MGST1: variants seen among roughly 807,000 people sequenced by gnomAD.
MGST1 encodes the protein glutathione S-transferase 12.
In MGST1, 5 loss-of-function variants were observed where a neutral mutation model predicts 8.9. The observed-to-expected ratio is 0.56, with a 90% CI of 0.29 to 1.19. The LOEUF (loss-of-function observed/expected upper bound fraction) is 1.19, where lower values mean the gene tolerates loss of function less well. MGST1 is among the 50% of genes most tolerant of loss of function. The pLI is 0.08. For synonymous variants in MGST1, 54 were observed against 67.8 expected, an observed-to-expected ratio of 0.80 and a Z score of 1.00; for missense variants, 182 against 187.4, an observed-to-expected ratio of 0.97 and a Z score of 0.17.
At chr12:16,519,973 T>C (rs931413631) in intron 4 of MGST1, among the ~76,000 whole-genome samples, 1 of 152,180 alleles carries the variant, frequency 6.6e-6, no homozygotes, top group African/African-American at 2.4e-5. Context: ...TGAGGAACCA[T>C]TGCTAGAGCC....
At chr12:16,365,670 C>A (rs1940171612), downstream of MGST1, among the ~76,000 whole-genome samples, 1 of 152,184 alleles carries the variant, frequency 6.6e-6, no homozygotes. Context: ...ACAGAAAAGA[C>A]CACGAGCTCA....
At chr12:16,561,999 T>G (rs1210305422) in intron 4 of MGST1, among the ~76,000 whole-genome samples, 2 of 152,234 alleles carry the variant, frequency 1.3e-5, no homozygotes, top group Non-Finnish European at 2.9e-5. Flanking sequence ...TACTTTAGTA[T>G]GCTTATTTTA....
intron 4 of MGST1, among the ~76,000 whole-genome samples, chr12:16,459,284 T>C (rs1219877585): frequency 2.6e-5 from 4 of 152,052 alleles, no homozygotes. Flanking sequence ...TATCATCACC[T>C]AAGAAACTTG....
intron 4 of MGST1, among the ~76,000 whole-genome samples, chr12:16,474,283 A>G (rs905049145): frequency 2.0e-5 from 3 of 152,230 alleles, no homozygotes; most frequent in African/African-American, 7.2e-5. Flanking sequence ...AACATGTAAA[A>G]GTGTGTTTGC....
At chr12:16,392,659 T>C (rs1036741939) in intron 1 of MGST1, among the ~76,000 whole-genome samples, 3 of 152,286 alleles carry the variant, frequency 2.0e-5, no homozygotes, top group African/African-American at 7.2e-5. Context: ...ATAGTCATTT[T>C]GGGATATGGC....
chr12:16,530,508 T>G (rs572648907), intron 4 of MGST1, among the ~76,000 whole-genome samples: 1 of 152,248 alleles, frequency 6.6e-6, no homozygotes, highest in African/African-American at 2.4e-5. Context: ...TGACTAAATC[T>G]GTAAACACTC....
exon 4 of MGST1, chr12:16,376,346 G>T: frequency 2.3e-6 from 1 of 444,122 alleles, no homozygotes; most frequent in Non-Finnish European, 4.0e-6. Context: ...TATTACTGCG[G>T]GAAGTACCCA....
chr12:16,363,814 G>A lies in MGST1; in HGVS notation c.241G>A (p.Glu81Lys). ...CCACAGAGCCCACCTGAATGACCTT[G>A]AAAATATTATTCCATTTCTTGGAAT... ...RVRRAHLNDL[E>K]NIIPFLGIGL... Residue 81 changes from glutamate (E) to lysine (K), a missense_variant, in exon 4 of 4, where the codon GAA becomes AAA. Coordinates refer to ENST00000396210, the MANE Select transcript of MGST1 (RefSeq NM_020300.5). The surrounding 1 kb of genome is among the most constrained non-coding windows in gnomAD (Gnocchi z 4.6). 1 of 1,606,078 alleles carries A rather than the reference G, an allele frequency of 6.2e-7. No individual in the cohort carries two copies.
chr12:16,529,663 T>G (rs974372988), intron 4 of MGST1, among the ~76,000 whole-genome samples: 4 of 152,076 alleles, frequency 2.6e-5, no homozygotes, highest in African/African-American at 9.7e-5. Context: ...TTGCTTAAAC[T>G]TCTTTTGTGA....
At chr12:16,378,163 T>TAAATAAACAAAAA (rs1193290062), downstream of MGST1, among the ~76,000 whole-genome samples, 1 of 152,170 alleles carries the variant, frequency 6.6e-6, no homozygotes, top group Admixed American at 6.5e-5. Context: ...AGATCCCATT[T>TAAATAAACAAAAA]GTCAATTTTG....
chr12:16,372,629 A>G (rs11056905), intron 3 of MGST1, among the ~76,000 whole-genome samples: 1 of 152,112 alleles, frequency 6.6e-6, no homozygotes, highest in Non-Finnish European at 1.5e-5. Flanking sequence ...AGATTTCTCA[A>G]AGAATTAAAA....
chr12:16,556,738 A>G (rs1942206325), intron 4 of MGST1, among the ~76,000 whole-genome samples: 1 of 152,204 alleles, frequency 6.6e-6, no homozygotes, highest in African/African-American at 2.4e-5. Flanking sequence ...AATCTCCTAT[A>G]TGAAAACCTT....
rs55755383 is a variant in MGST1 at position 16,394,583 on chromosome 12, GTC to G, written n.778+10985_778+10986del. Reference sequence around the variant, plus strand: ...CTTTCTTTCTTTCTTTCTTCTCTCTGTCTCTCTTTTTTCTTTTCTTTTCTTTT... The same window carrying G: ...CTTTCTTTCTTTCTTTCTTCTCTCTGTCTCTTTTTTCTTTTCTTTTCTTTT... On this transcript the variant is annotated intron_variant and non_coding_transcript_variant, in intron 1 of 1. Transcript: ENST00000359720. Among the ~76,000 whole-genome samples the G allele has an allele frequency of 1.4e-4, 13 of 93,550 alleles. 1 individual carries two copies. The highest frequency in any genetic ancestry group is 6.5e-4 in the African/African-American group (13 of 19,992). 61.4% of individuals were successfully genotyped at this position (93,550 alleles called of 152,430 possible).
intron 4 of MGST1, among the ~76,000 whole-genome samples, chr12:16,478,520 T>G (rs1941339727): frequency 6.6e-6 from 1 of 152,172 alleles, no homozygotes; most frequent in Non-Finnish European, 1.5e-5. Flanking sequence ...TCTTTCACTG[T>G]GAAGTCTTGA....
At chr12:16,441,980 T>C (rs574081795), downstream of MGST1, among the ~76,000 whole-genome samples, 1 of 151,988 alleles carries the variant, frequency 6.6e-6, no homozygotes, top group South Asian at 2.1e-4. Context: ...CATTTGGTGC[T>C]GTCAGTATTC....
intron 1 of MGST1, among the ~76,000 whole-genome samples, chr12:16,393,662 A>G (rs1025526479): frequency 6.6e-6 from 1 of 152,234 alleles, no homozygotes; most frequent in African/African-American, 2.4e-5. Context: ...AAGAAAGTAC[A>G]CTGTGATTCC....
chr12:16,560,843 TA>T lies in MGST1; in HGVS notation n.483-28684del. ...GAATTCATAGCAAAAATCTCTGGGT[TA>T]GAGTATATAGAAAATATAAAAGCAA... On this transcript the variant is annotated intron_variant and non_coding_transcript_variant, in intron 4 of 4. Transcript: ENST00000538857. The surrounding 1 kb of genome is among the most constrained non-coding windows in gnomAD (Gnocchi z 5.0). 1 of 368,020 alleles carries T rather than the reference TA, an allele frequency of 2.7e-6. No homozygotes were observed. The highest frequency in any genetic ancestry group is 5.2e-6 in the Non-Finnish European group (1 of 192,032). The allele number at this position is 368,020 out of a possible 1,614,324, so 22.8% of individuals were successfully genotyped here.
downstream of MGST1, among the ~76,000 whole-genome samples, chr12:16,365,880 A>T (rs9332957): frequency 1.6e-3 from 251 of 152,334 alleles, 4 homozygotes; most frequent in East Asian, 0.045. Context: ...AATTTGAAAA[A>T]AGTATATTCT....
intron 4 of MGST1, among the ~76,000 whole-genome samples, chr12:16,478,400 A>G (rs1478482574): frequency 6.6e-6 from 1 of 151,358 alleles, no homozygotes; most frequent in Non-Finnish European, 1.5e-5. Context: ...AAGTTAAAAT[A>G]AATTCTTCTT....
Sources: allele counts gnomAD v4.1 joint callset (sites outside exome capture counted in the v4.1 genomes callset), GRCh38; gene constraint gnomAD v4.1.1; non-coding constraint Gnocchi (gnomAD v3.1); transcripts MANE v1.5; gene names NCBI Gene and HGNC (gene_info 2026-07-23, HGNC 2026-07-21).